The following AUTS2 variants were observed in gnomAD, a reference collection of about 807,000 sequenced individuals.
The protein encoded by AUTS2 is activator of transcription and developmental regulator AUTS2, also known as autism susceptibility gene 2 protein.
A neutral mutation model predicts 112.4 loss-of-function variants in AUTS2; 17 were observed. The ratio of observed to expected loss-of-function variants is 0.15; its 90% CI spans 0.10 to 0.23. The LOEUF (loss-of-function observed/expected upper bound fraction) is 0.23, where lower values mean the gene tolerates loss of function less well. Among genes scored for constraint, AUTS2 ranks in the 10% least tolerant of loss-of-function variants. The probability of loss-of-function intolerance (pLI) is 1.00; values close to 1 mark genes in which losing one functional copy is unlikely to be tolerated. For missense variants in AUTS2, 1,510 were observed against 1,701.6 expected (o/e 0.89, Z 1.98); for synonymous variants, 751 against 702.7 (o/e 1.07, Z -1.09).
At chr7:70,068,662 A>G (rs973559027) in intron 2 of AUTS2, among the ~76,000 whole-genome samples, 2 of 152,192 alleles carry the variant, frequency 1.3e-5, no homozygotes, top group African/African-American at 2.4e-5. Context: ...GCAATTGATG[A>G]TATTTGTTTA....
intron 4 of AUTS2, among the ~76,000 whole-genome samples, chr7:70,142,641 A>G (rs1806925870): frequency 6.6e-6 from 1 of 152,204 alleles, no homozygotes; most frequent in Non-Finnish European, 1.5e-5. Flanking sequence ...GTACATAGAG[A>G]TACTGAAGCT....
chr7:70,575,488 G>A (rs760425191), intron 5 of AUTS2, among the ~76,000 whole-genome samples: 13 of 152,228 alleles, frequency 8.5e-5, no homozygotes, highest in Non-Finnish European at 1.2e-4. Flanking sequence ...TGGTTAGCTA[G>A]CTAATGGGAA....
intron 5 of AUTS2, among the ~76,000 whole-genome samples, chr7:70,442,281 C>A (rs1164806980): frequency 6.6e-6 from 1 of 152,092 alleles, no homozygotes. Context: ...GATAAGTGAA[C>A]CAAGTTCAGA....
chr7:70,495,006 A>C (rs746385034), intron 5 of AUTS2, among the ~76,000 whole-genome samples: 6 of 152,152 alleles, frequency 3.9e-5, no homozygotes, highest in African/African-American at 9.7e-5. Context: ...GTTATTTCAC[A>C]TGCATGAAAC....
At chr7:70,208,861 T>C (rs538707238) in intron 4 of AUTS2, among the ~76,000 whole-genome samples, 3 of 151,924 alleles carry the variant, frequency 2.0e-5, no homozygotes, top group South Asian at 4.2e-4. Context: ...AAAAGGCCGG[T>C]GTGGCTGGAA....
intron 4 of AUTS2, among the ~76,000 whole-genome samples, chr7:70,217,375 A>T (rs1811223454): frequency 6.6e-6 from 1 of 152,212 alleles, no homozygotes; most frequent in Non-Finnish European, 1.5e-5. Flanking sequence ...TGAAGTTTAC[A>T]TGTTGAGCCC....
chr7:69,891,772 A>ATTT (rs1794531009), intron 1 of AUTS2, among the ~76,000 whole-genome samples: 4 of 41,024 alleles, frequency 9.8e-5, no homozygotes, highest in African/African-American at 7.5e-5. Flanking sequence ...CCAGACAGAT[A>ATTT]TCTTTTTTTT....
intron 4 of AUTS2, among the ~76,000 whole-genome samples, chr7:70,328,246 G>T (rs990231807): frequency 3.3e-5 from 5 of 152,124 alleles, no homozygotes; most frequent in African/African-American, 1.2e-4. Context: ...TTTTGAGACT[G>T]AGTCTAGGTT....
rs10631565 is a variant in AUTS2 at position 70,410,398 on chromosome 7, TTTTATTTA to T, written c.661-25314_661-25307del. ...AGGCTCTGTCTTAGGAGGGTTTGTC[TTTTATTTA>T]TTTATTTATTTATTTATTTATTTAT... On this transcript the variant is annotated intron_variant, in intron 4 of 18. Coordinates refer to ENST00000342771, the MANE Select transcript of AUTS2 (RefSeq NM_015570.4). Among the ~76,000 whole-genome samples the T allele has an allele frequency of 3.0e-3, 419 of 140,824 alleles. 3 individuals carry two copies. Among genetic ancestry groups the T allele is most frequent in the East Asian group, 7.3e-3 (35 of 4,824 alleles). 92.4% of individuals were successfully genotyped at this position (140,824 alleles called of 152,430 possible). A position where few individuals can be genotyped will look rare whatever the true frequency, so the allele number is the denominator to read the frequency against.
chr7:70,091,600 T>C (rs531208735), intron 2 of AUTS2, among the ~76,000 whole-genome samples: 153 of 152,196 alleles, frequency 1.0e-3, no homozygotes, highest in Non-Finnish European at 1.9e-3. Flanking sequence ...GCTGAGGTTT[T>C]CAAGGAAGCC....
intron 5 of AUTS2, among the ~76,000 whole-genome samples, chr7:70,480,292 T>C (rs758833175): frequency 2.0e-5 from 3 of 152,246 alleles, no homozygotes; most frequent in African/African-American, 4.8e-5. Flanking sequence ...TACTTTATTC[T>C]AACACATGCA....
At chr7:70,317,952 T>A (rs1177605074) in intron 4 of AUTS2, among the ~76,000 whole-genome samples, 1 of 152,086 alleles carries the variant, frequency 6.6e-6, no homozygotes, top group African/African-American at 2.4e-5. Flanking sequence ...GAAAGGGGAA[T>A]CTGAGACTTC....
At chr7:70,395,503 C>T (rs1794040426) in intron 4 of AUTS2, among the ~76,000 whole-genome samples, 1 of 152,166 alleles carries the variant, frequency 6.6e-6, no homozygotes, top group Non-Finnish European at 1.5e-5. Context: ...ATAGCTCATC[C>T]AACTGATAAA....
At chr7:70,533,585 C>G (rs773908560) in intron 5 of AUTS2, among the ~76,000 whole-genome samples, 6 of 152,232 alleles carry the variant, frequency 3.9e-5, no homozygotes, top group African/African-American at 7.2e-5. Flanking sequence ...CTGTCCCTTA[C>G]ATTGTAGCTC....
At chr7:70,003,223 G>T (rs1313278499) in intron 2 of AUTS2, among the ~76,000 whole-genome samples, 1 of 126,614 alleles carries the variant, frequency 7.9e-6, no homozygotes, top group Non-Finnish European at 1.6e-5. Context: ...TATTATATAT[G>T]AATATATTAT....
chr7:70,485,917 C>T (rs558253061), intron 5 of AUTS2, among the ~76,000 whole-genome samples: 31 of 151,814 alleles, frequency 2.0e-4, no homozygotes, highest in Admixed American at 1.8e-3. Flanking sequence ...AGCCTGAATT[C>T]GACTCTACAT....
intron 6 of AUTS2, among the ~76,000 whole-genome samples, chr7:70,743,164 T>C (rs1387237685): frequency 6.6e-6 from 1 of 152,102 alleles, no homozygotes; most frequent in Admixed American, 6.5e-5. Context: ...CTTGTTTTAT[T>C]TTTGTTTCTT....
intron 4 of AUTS2, among the ~76,000 whole-genome samples, chr7:70,164,723 C>T (rs1056826540): frequency 6.6e-6 from 1 of 151,964 alleles, no homozygotes; most frequent in Non-Finnish European, 1.5e-5. Flanking sequence ...TTTATTCAGT[C>T]CCCCCATGCT....
intron 5 of AUTS2, among the ~76,000 whole-genome samples, chr7:70,574,623 A>G (rs1413982720): frequency 6.6e-6 from 1 of 151,964 alleles, no homozygotes; most frequent in Non-Finnish European, 1.5e-5. Context: ...CTGGGTTTTA[A>G]CTTTAACACA....
Sources: allele counts gnomAD v4.1 joint callset (sites outside exome capture counted in the v4.1 genomes callset), GRCh38; gene constraint gnomAD v4.1.1; transcripts MANE v1.5; gene names NCBI Gene and HGNC (gene_info 2026-07-23, HGNC 2026-07-21).